Variants in TMEM63B observed in about 807,000 individuals in gnomAD.
TMEM63B encodes the protein mechanosensitive cation channel TMEM63B.
Under a neutral mutation model 102.6 loss-of-function variants are expected in TMEM63B, and 23 were observed. The ratio of observed to expected loss-of-function variants is 0.22; its 90% CI spans 0.16 to 0.32. The LOEUF (loss-of-function observed/expected upper bound fraction) is 0.32. Ranked by LOEUF, TMEM63B falls within the 10% of genes least tolerant of loss-of-function variation. TMEM63B has a pLI of 1.00. For synonymous variants in TMEM63B, 444 were observed against 437.0 expected, an observed-to-expected ratio of 1.02 and a Z score of -0.20; for missense variants, 628 against 1,095.9, an observed-to-expected ratio of 0.57 and a Z score of 6.03.
chr6:44,126,925 G>A (rs1178745454), upstream of TMEM63B: 1 of 152,248 alleles, frequency 6.6e-6, no homozygotes, highest in Non-Finnish European at 1.5e-5. Flanking sequence ...CCACAGAGGC[G>A]TCTGGCTAAC....
chr6:44,138,926 G>T, intron 6 of TMEM63B: 1 of 286,360 alleles, frequency 3.5e-6, no homozygotes, highest in Non-Finnish European at 6.8e-6. Flanking sequence ...CAGGAAGCCA[G>T]GACAGGTCAG....
chr6:44,131,240 C>A (rs1778221544), intron 1 of TMEM63B, among the ~76,000 whole-genome samples: 1 of 151,976 alleles, frequency 6.6e-6, no homozygotes, highest in South Asian at 2.1e-4. Context: ...TTTATGCTCA[C>A]TTGTGGATAT....
Position 44,150,393 on chromosome 6 carries a change from C to A in TMEM63B, c.1607+83C>A. 6.7e-7 allele frequency: 1 copy of A among 1,494,518 alleles called. No homozygotes were observed. The highest frequency in any genetic ancestry group is 9.3e-7 in the Non-Finnish European group (1 of 1,073,550). 92.6% of individuals were successfully genotyped at this position (1,494,518 alleles called of 1,614,324 possible). A position where few individuals can be genotyped will look rare whatever the true frequency, so the allele number is the denominator to read the frequency against. On this transcript the variant is annotated intron_variant, in intron 17 of 23. Transcript: ENST00000323267. The surrounding 1 kb of genome is among the most constrained non-coding windows in gnomAD (Gnocchi z 4.7). ...GAGAGCAGTTCAGCCTCCCTACCTC[C>A]CCTACAAAGCAAGGGGCCCAAGATG...
At position 44,152,707 on chromosome 6, in the gene TMEM63B, C is replaced by T. The variant is rs779638619; in HGVS notation, c.1942+9C>T. 21 of 1,601,722 alleles carry T rather than the reference C, an allele frequency of 1.3e-5. No homozygotes were observed. The highest frequency in any genetic ancestry group is 1.6e-4 in the Middle Eastern group (1 of 6,074). Reference sequence around the variant, plus strand: ...CATCATCGTGCCCTTCGGTAGGCACCGCCGCGCCGGGACCTGGGCCCTGCT... The same window carrying T: ...CATCATCGTGCCCTTCGGTAGGCACTGCCGCGCCGGGACCTGGGCCCTGCT... On this transcript the variant is annotated intron_variant, in intron 20 of 23. Coordinates refer to ENST00000323267, the MANE Select transcript of TMEM63B (RefSeq NM_018426.3). This position sits in a 1 kb window ranked among gnomAD's most constrained non-coding sequence, Gnocchi z 6.4.
In TMEM63B at chr6:44,150,345, G is replaced by A; in HGVS notation, c.1607+35G>A. The A allele has an allele frequency of 6.3e-7, 1 of 1,595,670 alleles. No homozygotes were observed. The highest frequency in any genetic ancestry group is 8.6e-7 in the Non-Finnish European group (1 of 1,163,502). ...GAAGGATGGGGCAGGAGCCAGGGTA[G>A]GGGGACAGCAGGATAGGGAGAGGAG... is the stretch of plus-strand genomic sequence containing the variant. On this transcript the variant is annotated intron_variant, in intron 17 of 23. Transcript: ENST00000323267. This position sits in a 1 kb window ranked among gnomAD's most constrained non-coding sequence, Gnocchi z 4.7.
At chr6:44,129,365 C>CA (rs11331641) in intron 1 of TMEM63B, among the ~76,000 whole-genome samples, 2,249 of 102,996 alleles carry the variant, frequency 0.022, 27 homozygotes, top group Non-Finnish European at 0.035. Context: ...AAGACTGTCT[C>CA]AAAAAAAAAA....
At chr6:44,128,183 A>G (rs1777579957) in intron 1 of TMEM63B, among the ~76,000 whole-genome samples, 1 of 151,994 alleles carries the variant, frequency 6.6e-6, no homozygotes, top group African/African-American at 2.4e-5. Flanking sequence ...GGTCCGGGGT[A>G]AGGGCTCGGG....
chr6:44,134,977 G>C (rs777064917), intron 2 of TMEM63B, 40 bp from the exon 3 acceptor site: 3 of 1,609,548 alleles, frequency 1.9e-6, no homozygotes, highest in Non-Finnish European at 2.6e-6. Context: ...CAGGTGGACA[G>C]ACAGCCTCTG....
At chr6:44,135,867 G>A (rs1465099267) in intron 4 of TMEM63B, among the ~76,000 whole-genome samples, 2 of 152,194 alleles carry the variant, frequency 1.3e-5, no homozygotes, top group Non-Finnish European at 2.9e-5. Context: ...AGTTGTAACA[G>A]CTGTTGGAGT....
In TMEM63B at chr6:44,152,509, G is replaced by A. The variant is rs545447015; in HGVS notation, c.1837-84G>A. Reference sequence around the variant, plus strand: ...CTTCTTTTCCGGCCCCAGAGGTCCTGGCTCCCTTCCCCCTCCCTCCTTCCC... The same window carrying A: ...CTTCTTTTCCGGCCCCAGAGGTCCTAGCTCCCTTCCCCCTCCCTCCTTCCC... On this transcript the variant is annotated intron_variant, in intron 19 of 23. Coordinates refer to ENST00000323267, the MANE Select transcript of TMEM63B (RefSeq NM_018426.3). This position sits in a 1 kb window ranked among gnomAD's most constrained non-coding sequence, Gnocchi z 6.4. The A allele has an allele frequency of 4.0e-5, 41 of 1,015,108 alleles. No homozygotes were observed. The African/African-American group carries it at 5.1e-4, about 13-fold the overall frequency. The allele number at this position is 1,015,108 out of a possible 1,614,324, so 62.9% of individuals were successfully genotyped here.
At chr6:44,138,759 C>A in intron 6 of TMEM63B, 1 of 422,066 alleles carries the variant, frequency 2.4e-6, no homozygotes, top group Non-Finnish European at 4.4e-6. Flanking sequence ...TCTCCCTGCC[C>A]TGCCCCACCT....
At chr6:44,147,136 C>T (rs1182615366) in intron 11 of TMEM63B, among the ~76,000 whole-genome samples, 2 of 152,130 alleles carry the variant, frequency 1.3e-5, no homozygotes, top group Non-Finnish European at 2.9e-5. Context: ...GCCCATGGTC[C>T]CCACTGCATC....
chr6:44,130,467 C>T (rs1270033928), intron 1 of TMEM63B, among the ~76,000 whole-genome samples: 1 of 149,044 alleles, frequency 6.7e-6, no homozygotes, highest in Non-Finnish European at 1.5e-5. Flanking sequence ...TAGACACGGT[C>T]TCTGTCTGTC....
rs1399734285 is a variant in TMEM63B, at chr6:44,152,893, C to T, written c.1942+195C>T. Among the ~76,000 whole-genome samples, 2 of 152,190 alleles carry T rather than the reference C, an allele frequency of 1.3e-5. No individual in the cohort carries two copies. Among genetic ancestry groups the T allele is most frequent in the African/African-American group, 4.8e-5 (2 of 41,448 alleles). On this transcript the variant is annotated intron_variant, in intron 20 of 23. Coordinates refer to ENST00000323267, the MANE Select transcript of TMEM63B (RefSeq NM_018426.3). The surrounding 1 kb of genome is among the most constrained non-coding windows in gnomAD (Gnocchi z 6.4). ...GGAGGGGGAGAGCCATCAGCTCAGG[C>T]CAGACCCAGCTGGCATGTGGGCCCC...
Position 44,150,636 on chromosome 6 carries a change from G to A in TMEM63B, c.1673+7G>A. 6.2e-7 allele frequency: 1 copy of A among 1,613,958 alleles called. No homozygotes were observed. Among genetic ancestry groups the A allele is most frequent in the South Asian group, 1.1e-5 (1 of 91,010 alleles). ...AGGCAGCTATTCGGTTTGAGTGAGT[G>A]ACTGGGGCCCCTAGGGAAAGAGACC... On this transcript the variant is annotated splice_region_variant and intron_variant, in intron 18 of 23. Transcript: ENST00000323267. The surrounding 1 kb of genome is among the most constrained non-coding windows in gnomAD (Gnocchi z 4.7).
At chr6:44,141,801 G>A (rs1764313740) in intron 10 of TMEM63B, among the ~76,000 whole-genome samples, 1 of 152,204 alleles carries the variant, frequency 6.6e-6, no homozygotes, top group South Asian at 2.1e-4. Flanking sequence ...TTAGTCATAA[G>A]TTACTGTGGT....
intron 22 of TMEM63B, 42 bp from the exon 23 acceptor site, chr6:44,154,323 A>G: frequency 1.2e-6 from 2 of 1,607,948 alleles, no homozygotes; most frequent in Non-Finnish European, 1.7e-6. Flanking sequence ...ATCAGGGCTG[A>G]GGACATGCCC....
intron 10 of TMEM63B, among the ~76,000 whole-genome samples, chr6:44,142,076 C>T (rs1258351705): frequency 6.6e-6 from 1 of 151,368 alleles, no homozygotes; most frequent in Non-Finnish European, 1.5e-5. Context: ...GAGTCCTGTG[C>T]ACCACTGCAC....
chr6:44,141,558 G>A (rs897803132), intron 10 of TMEM63B, among the ~76,000 whole-genome samples: 1 of 152,140 alleles, frequency 6.6e-6, no homozygotes, highest in African/African-American at 2.4e-5. Context: ...TTTGGGGTGG[G>A]TAGAGCAGAC....
Sources: allele counts gnomAD v4.1 joint callset (sites outside exome capture counted in the v4.1 genomes callset), GRCh38; gene constraint gnomAD v4.1.1; non-coding constraint Gnocchi (gnomAD v3.1); transcripts MANE v1.5; gene names NCBI Gene and HGNC (gene_info 2026-07-23, HGNC 2026-07-21).